FMN1: variants seen among roughly 807,000 people sequenced by gnomAD.
FMN1 encodes formin-1.
Under a neutral mutation model 132.4 loss-of-function variants are expected in FMN1, and 110 were observed. The ratio of observed to expected loss-of-function variants is 0.83; its 90% CI spans 0.71 to 0.97. FMN1 has a LOEUF of 0.97. Among genes scored for constraint, FMN1 ranks in the 50% least tolerant of loss-of-function variants. The probability of loss-of-function intolerance (pLI) is 0.00; values close to 1 mark genes in which losing one functional copy is unlikely to be tolerated. For synonymous variants in FMN1, 722 were observed against 651.7 expected, an observed-to-expected ratio of 1.11 and a Z score of -1.64; for missense variants, 1,792 against 1,705.3, an observed-to-expected ratio of 1.05 and a Z score of -0.90.
chr15:33,074,274 T>C (rs2038112113), intron 5 of FMN1, among the ~76,000 whole-genome samples: 1 of 152,230 alleles, frequency 6.6e-6, no homozygotes, highest in Admixed American at 6.5e-5. Context: ...TTCTACCTAA[T>C]TCACAGGAAT....
In FMN1 at chr15:33,067,628, C is replaced by A; in HGVS notation, c.2044-2554G>T. On this transcript the variant is annotated intron_variant, in intron 5 of 20. Coordinates refer to ENST00000616417, the MANE Select transcript of FMN1 (RefSeq NM_001277313.2). ...ATCATTTCCGAGGTCAGGTGAAACC[C>A]GAGACCCTGCTTCCTGTGGATCCAA... is the stretch of plus-strand genomic sequence containing the variant. 6.2e-7 allele frequency: 1 copy of A among 1,614,008 alleles called. No homozygotes were observed. The highest frequency in any genetic ancestry group is 8.5e-7 in the Non-Finnish European group (1 of 1,179,888).
chr15:33,126,121 G>C (rs1595531263), intron 4 of FMN1, among the ~76,000 whole-genome samples: 1 of 152,068 alleles, frequency 6.6e-6, no homozygotes, highest in African/African-American at 2.4e-5. Flanking sequence ...TGCAGCTGTG[G>C]CTGCCACAGC....
At chr15:32,951,424 GACAC>G (rs3081377) in intron 9 of FMN1, among the ~76,000 whole-genome samples, 4,002 of 148,134 alleles carry the variant, frequency 0.027, 69 homozygotes, top group East Asian at 0.085. Context: ...GCCCCAGTGG[GACAC>G]ACACACACAC....
At chr15:32,909,439 C>T (rs939738703) in intron 11 of FMN1, among the ~76,000 whole-genome samples, 5 of 152,136 alleles carry the variant, frequency 3.3e-5, no homozygotes, top group Non-Finnish European at 7.4e-5. Context: ...TGAGAAGTTC[C>T]GACCCACTTG....
At chr15:32,919,575 T>G (rs1423908533) in intron 10 of FMN1, among the ~76,000 whole-genome samples, 3 of 152,228 alleles carry the variant, frequency 2.0e-5, no homozygotes, top group African/African-American at 7.2e-5. Flanking sequence ...TCATATTTTT[T>G]GCATATATTT....
At chr15:32,966,937 G>A (rs918970661) in intron 8 of FMN1, among the ~76,000 whole-genome samples, 6 of 152,078 alleles carry the variant, frequency 3.9e-5, no homozygotes, top group African/African-American at 1.2e-4. Context: ...AAAGTTGGAG[G>A]GACCCATAAT....
At chr15:32,893,674 G>C (rs577897470) in intron 15 of FMN1, among the ~76,000 whole-genome samples, 3 of 152,250 alleles carry the variant, frequency 2.0e-5, no homozygotes, top group Non-Finnish European at 4.4e-5. Flanking sequence ...CCCTCTTGTT[G>C]AGTGAAATGC....
intron 19 of FMN1, among the ~76,000 whole-genome samples, chr15:32,797,456 T>C (rs1300458727): frequency 6.6e-6 from 1 of 152,212 alleles, no homozygotes; most frequent in Non-Finnish European, 1.5e-5. Context: ...GTATGAGAAT[T>C]GATTCCACAG....
intron 7 of FMN1, among the ~76,000 whole-genome samples, chr15:32,973,947 G>C (rs1443831460): frequency 2.0e-5 from 3 of 152,096 alleles, no homozygotes; most frequent in African/African-American, 7.2e-5. Context: ...GTAATGATTT[G>C]GTGATTCTAA....
At chr15:32,964,016 T>TATATATACAC (rs1555505892) in intron 9 of FMN1, 91 bp downstream of exon 9, 23 of 508,328 alleles carry the variant, frequency 4.5e-5, no homozygotes, top group African/African-American at 4.3e-4. Flanking sequence ...GTATATACGA[T>TATATATACAC]ACACACACAC....
chr15:33,134,880 T>C (rs887935907), intron 4 of FMN1, among the ~76,000 whole-genome samples: 1 of 152,184 alleles, frequency 6.6e-6, no homozygotes, highest in South Asian at 2.1e-4. Flanking sequence ...CTTATGCCTG[T>C]AATCCCAGCT....
intron 7 of FMN1, among the ~76,000 whole-genome samples, chr15:32,997,665 G>A (rs1422336356): frequency 6.6e-6 from 1 of 152,060 alleles, no homozygotes; most frequent in Non-Finnish European, 1.5e-5. Context: ...AAAAGCATGG[G>A]GTGCTCAGCA....
At chr15:32,805,101 G>A (rs956348661) in intron 17 of FMN1, among the ~76,000 whole-genome samples, 3 of 152,116 alleles carry the variant, frequency 2.0e-5, no homozygotes, top group African/African-American at 7.2e-5. Flanking sequence ...CTTCCACAAT[G>A]GTTGAACTAA....
At chr15:32,840,208 C>A (rs2058716275) in intron 17 of FMN1, among the ~76,000 whole-genome samples, 2 of 152,276 alleles carry the variant, frequency 1.3e-5, no homozygotes, top group South Asian at 2.1e-4. Flanking sequence ...CCTTAGTGAG[C>A]ATCTGTGTGG....
intron 2 of FMN1, among the ~76,000 whole-genome samples, chr15:33,190,542 G>A (rs571799035): frequency 3.9e-5 from 6 of 152,280 alleles, no homozygotes; most frequent in African/African-American, 1.4e-4. Flanking sequence ...CTAGATGAAT[G>A]TGGATAGATA....
At chr15:33,129,460 G>A (rs1331304626) in intron 4 of FMN1, among the ~76,000 whole-genome samples, 1 of 152,042 alleles carries the variant, frequency 6.6e-6, no homozygotes, top group African/African-American at 2.4e-5. Context: ...CCTGCACATG[G>A]GTAAGTTGAA....
At chr15:33,123,433 G>A (rs1338308138) in intron 4 of FMN1, among the ~76,000 whole-genome samples, 2 of 152,102 alleles carry the variant, frequency 1.3e-5, no homozygotes, top group Non-Finnish European at 2.9e-5. Flanking sequence ...ATGAATACAT[G>A]GCACTAAGCT....
chr15:33,032,668 A>AC (rs1349126803), intron 6 of FMN1, among the ~76,000 whole-genome samples: 1 of 152,188 alleles, frequency 6.6e-6, no homozygotes, highest in Non-Finnish European at 1.5e-5. Flanking sequence ...TATGAGCATA[A>AC]CCCTCGGTTC....
chr15:32,777,649 T>A (rs1008884393), intron 19 of FMN1, among the ~76,000 whole-genome samples: 1 of 138,744 alleles, frequency 7.2e-6, no homozygotes, highest in African/African-American at 2.7e-5. Context: ...ACATAACACA[T>A]TTATATATTA....
Sources: gnomAD v4.1 joint callset for allele counts (sites outside exome capture counted in the v4.1 genomes callset) on GRCh38, gnomAD v4.1.1 for gene constraint, MANE v1.5 for transcripts, NCBI Gene and HGNC (gene_info 2026-07-23, HGNC 2026-07-21) for gene names.